CPNE8: variants seen among roughly 807,000 people sequenced by gnomAD.
The protein encoded by CPNE8 is copine 8, also known as copine-8.
In CPNE8, 45 loss-of-function variants were observed where a neutral mutation model predicts 81.5. The ratio of observed to expected loss-of-function variants is 0.55; its 90% CI spans 0.44 to 0.71. The LOEUF is 0.71. CPNE8 is among the 30% of genes least tolerant of loss of function. The pLI, the probability that CPNE8 is intolerant of heterozygous loss-of-function variation, is 0.00. For missense variants in CPNE8, 594 were observed against 672.1 expected (o/e 0.88, Z 1.28); for synonymous variants, 252 against 226.3 (o/e 1.11, Z -1.02).
chr12:38,756,640 A>T (rs1261127040), intron 10 of CPNE8, among the ~76,000 whole-genome samples: 1 of 152,214 alleles, frequency 6.6e-6, no homozygotes, highest in South Asian at 2.1e-4. Context: ...GTTTTCTATG[A>T]GTAAATTTAC....
chr12:38,687,631 C>T (rs1939563133), intron 15 of CPNE8, among the ~76,000 whole-genome samples: 1 of 152,136 alleles, frequency 6.6e-6, no homozygotes, highest in Non-Finnish European at 1.5e-5. Context: ...ATCCACCCGC[C>T]TCAGCCTCCC....
At chr12:38,798,343 C>T (rs935802986) in intron 6 of CPNE8, among the ~76,000 whole-genome samples, 4 of 152,138 alleles carry the variant, frequency 2.6e-5, no homozygotes, top group African/African-American at 9.7e-5. Context: ...ACACTAACAG[C>T]TGATCTCTCC....
In CPNE8 at chr12:38,702,349, C is replaced by T. The variant is rs114324764; in HGVS notation, c.961+526G>A. Among the ~76,000 whole-genome samples, 734 of 152,012 alleles carry T rather than the reference C, an allele frequency of 4.8e-3. 3 individuals carry two copies. The highest frequency in any genetic ancestry group is 0.017 in the African/African-American group (697 of 41,470). ...ATCCATACATGGGCTGTTATATATCCGTCCCTCTGAGTGAATTAGATATTA... is the reference window on the plus strand; with the variant it reads ...ATCCATACATGGGCTGTTATATATCTGTCCCTCTGAGTGAATTAGATATTA... On this transcript the variant is annotated intron_variant, in intron 14 of 19. Coordinates refer to ENST00000331366, the MANE Select transcript of CPNE8 (RefSeq NM_153634.3).
chr12:38,848,853 A>C (rs1943597681), intron 3 of CPNE8, among the ~76,000 whole-genome samples, 191 bp from the exon 4 acceptor site: 1 of 152,136 alleles, frequency 6.6e-6, no homozygotes, highest in South Asian at 2.1e-4. Flanking sequence ...TTCATTCAAA[A>C]ATCAGCTTCT....
chr12:38,693,930 C>G (rs1939737610), intron 14 of CPNE8, 92 bp from the exon 15 acceptor site: 2 of 1,047,582 alleles, frequency 1.9e-6, no homozygotes, highest in Admixed American at 6.0e-5. Context: ...ATGAAATATT[C>G]AAAATTATGT....
chr12:38,826,468 T>G (rs978342306), intron 6 of CPNE8, among the ~76,000 whole-genome samples: 9 of 152,152 alleles, frequency 5.9e-5, no homozygotes, highest in Non-Finnish European at 1.3e-4. Flanking sequence ...ACCCCGCCCT[T>G]AGCAAGAGCT....
chr12:38,800,924 G>A (rs1392879236), intron 6 of CPNE8, among the ~76,000 whole-genome samples: 2 of 132,268 alleles, frequency 1.5e-5, no homozygotes, highest in South Asian at 2.7e-4. Flanking sequence ...AAGATGAAAT[G>A]AATGAAATGA....
intron 1 of CPNE8, among the ~76,000 whole-genome samples, chr12:38,896,474 C>T (rs559010773): frequency 6.6e-6 from 1 of 152,244 alleles, no homozygotes; most frequent in Admixed American, 6.5e-5. Flanking sequence ...GCAATAACTA[C>T]TTGCCTTACC....
At chr12:38,873,249 T>G (rs1288441942) in intron 2 of CPNE8, among the ~76,000 whole-genome samples, 199 bp from the exon 3 acceptor site, 2 of 152,116 alleles carry the variant, frequency 1.3e-5, no homozygotes, top group African/African-American at 4.8e-5. Flanking sequence ...AAACAAACTG[T>G]TATGCCAGAT....
intron 6 of CPNE8, among the ~76,000 whole-genome samples, chr12:38,806,153 C>G (rs1384007972): frequency 6.7e-6 from 1 of 150,216 alleles, no homozygotes; most frequent in African/African-American, 2.4e-5. Context: ...GATGGATTCA[C>G]AGCTGAATTC....
intron 6 of CPNE8, among the ~76,000 whole-genome samples, chr12:38,784,828 C>G (rs1267127373): frequency 6.6e-6 from 1 of 152,070 alleles, no homozygotes; most frequent in African/African-American, 2.4e-5. Context: ...CTCAGACAAA[C>G]AAAATCTTAG....
chr12:38,669,382 TTTG>T (rs1201695324), intron 19 of CPNE8, among the ~76,000 whole-genome samples: 1 of 152,208 alleles, frequency 6.6e-6, no homozygotes, highest in South Asian at 2.1e-4. Context: ...TCAAGTATTA[TTTG>T]TTGTTCTTTT....
chr12:38,788,537 A>G (rs1942250750), intron 6 of CPNE8, among the ~76,000 whole-genome samples: 1 of 151,952 alleles, frequency 6.6e-6, no homozygotes, highest in Non-Finnish European at 1.5e-5. Context: ...CTTTCCTCTA[A>G]GATCTGGAAC....
chr12:38,770,465 C>T (rs570506332), intron 7 of CPNE8, among the ~76,000 whole-genome samples: 2 of 152,288 alleles, frequency 1.3e-5, no homozygotes, highest in East Asian at 3.9e-4. Context: ...ACTCCCACTT[C>T]GACTCTTTGA....
chr12:38,863,934 G>C (rs1943878697), intron 3 of CPNE8, among the ~76,000 whole-genome samples: 1 of 151,870 alleles, frequency 6.6e-6, no homozygotes, highest in Admixed American at 6.6e-5. Flanking sequence ...GGCGCCTGTA[G>C]TCCCAGCTAC....
intron 15 of CPNE8, among the ~76,000 whole-genome samples, chr12:38,686,447 G>A (rs1939536468): frequency 6.6e-6 from 1 of 152,140 alleles, no homozygotes; most frequent in African/African-American, 2.4e-5. Flanking sequence ...TAAATGCCCT[G>A]TCATTATTAG....
At chr12:38,670,611 G>T in intron 19 of CPNE8, 118 bp downstream of exon 19, 1 of 630,178 alleles carries the variant, frequency 1.6e-6, no homozygotes, top group Non-Finnish European at 2.7e-6. Context: ...TTTTTGTTGA[G>T]ACTAACAAAT....
At chr12:38,820,798 G>C (rs1224730672) in intron 6 of CPNE8, among the ~76,000 whole-genome samples, 1 of 152,194 alleles carries the variant, frequency 6.6e-6, no homozygotes, top group Non-Finnish European at 1.5e-5. Flanking sequence ...CACATGGACA[G>C]AATGTCCCAT....
At chr12:38,730,536 C>T (rs1940808046) in intron 10 of CPNE8, among the ~76,000 whole-genome samples, 178 bp from the exon 11 acceptor site, 1 of 151,538 alleles carries the variant, frequency 6.6e-6, no homozygotes, top group Non-Finnish European at 1.5e-5. Context: ...GTTCATTAAT[C>T]TAAAATTATG....
Sources: allele counts gnomAD v4.1 joint callset (sites outside exome capture counted in the v4.1 genomes callset), GRCh38; gene constraint gnomAD v4.1.1; transcripts MANE v1.5; gene names NCBI Gene and HGNC (gene_info 2026-07-23, HGNC 2026-07-21).